The following GRIA4 variants were observed in gnomAD, a reference collection of about 807,000 sequenced individuals.
GRIA4 encodes glutamate ionotropic receptor AMPA type subunit 4, also known as glutamate receptor 4.
In GRIA4, 34 loss-of-function variants were observed where a neutral mutation model predicts 104.0. That is an observed-to-expected ratio of 0.33 (90% CI 0.25 to 0.44). GRIA4 has a LOEUF of 0.44. Among genes scored for constraint, GRIA4 ranks in the 20% least tolerant of loss-of-function variants. The probability of loss-of-function intolerance (pLI) is 1.00; values close to 1 mark genes in which losing one functional copy is unlikely to be tolerated. For synonymous variants in GRIA4, 386 were observed against 381.9 expected, an observed-to-expected ratio of 1.01 and a Z score of -0.13; for missense variants, 750 against 1,096.5, an observed-to-expected ratio of 0.68 and a Z score of 4.46.
At chr11:105,814,423 G>A (rs1472243197) in intron 4 of GRIA4, among the ~76,000 whole-genome samples, 1 of 152,184 alleles carries the variant, frequency 6.6e-6, no homozygotes, top group Non-Finnish European at 1.5e-5. Flanking sequence ...TGACGAGCCT[G>A]TGCAGAAATT....
intron 14 of GRIA4, chr11:105,966,151 C>T: frequency 2.3e-6 from 2 of 856,584 alleles, no homozygotes; most frequent in South Asian, 2.9e-5. Context: ...CCTCCTAATA[C>T]CAGTCGAATT....
chr11:105,885,577 A>T (rs1037372276), intron 5 of GRIA4, among the ~76,000 whole-genome samples: 10 of 152,250 alleles, frequency 6.6e-5, no homozygotes, highest in Admixed American at 6.5e-4. Context: ...TTTCCCAAGA[A>T]CAGAAGCTTT....
At chr11:105,923,463 G>C (rs953611958) in intron 11 of GRIA4, among the ~76,000 whole-genome samples, 1 of 152,080 alleles carries the variant, frequency 6.6e-6, no homozygotes, top group African/African-American at 2.4e-5. Context: ...ATAAACATAT[G>C]ATTCTTATGA....
intron 4 of GRIA4, among the ~76,000 whole-genome samples, chr11:105,786,143 T>TCAA (rs1941955611): frequency 5.7e-5 from 1 of 17,584 alleles, no homozygotes; most frequent in Non-Finnish European, 1.2e-4. Flanking sequence ...AGACCCTTTC[T>TCAA]CAAAAAAAAA....
chr11:105,816,723 C>T (rs1263435435), intron 4 of GRIA4, among the ~76,000 whole-genome samples: 2 of 152,008 alleles, frequency 1.3e-5, no homozygotes, highest in Admixed American at 1.3e-4. Context: ...GTTAAAAGCT[C>T]AGGCTCTGTC....
At chr11:105,934,736 C>T (rs892745246) in intron 14 of GRIA4, among the ~76,000 whole-genome samples, 2 of 152,118 alleles carry the variant, frequency 1.3e-5, no homozygotes, top group Admixed American at 6.6e-5. Flanking sequence ...CCCTTTTCAT[C>T]CTTTTGGTCC....
chr11:105,775,028 A>G (rs1941389277), intron 4 of GRIA4, among the ~76,000 whole-genome samples: 1 of 152,136 alleles, frequency 6.6e-6, no homozygotes, highest in Admixed American at 6.6e-5. Context: ...GAGGCTCTAG[A>G]GTAAAATCCA....
chr11:105,923,570 G>C (rs551580718), intron 11 of GRIA4, among the ~76,000 whole-genome samples: 1 of 152,236 alleles, frequency 6.6e-6, no homozygotes, highest in East Asian at 1.9e-4. Flanking sequence ...CCTTATTAAG[G>C]CTTCTAATAA....
At chr11:105,927,539 AT>A (rs1947742618) in intron 13 of GRIA4, among the ~76,000 whole-genome samples, 1 of 152,056 alleles carries the variant, frequency 6.6e-6, no homozygotes, top group South Asian at 2.1e-4. Context: ...GCAGATAAAA[AT>A]TTTCCAACTG....
At chr11:105,695,476 G>C (rs1953240214) in intron 3 of GRIA4, among the ~76,000 whole-genome samples, 3 of 60,444 alleles carry the variant, frequency 5.0e-5, no homozygotes, top group African/African-American at 4.7e-5. Flanking sequence ...GTGTGTGTGT[G>C]TCTGTGTGTG....
intron 4 of GRIA4, among the ~76,000 whole-genome samples, chr11:105,853,338 C>T (rs978071371): frequency 1.3e-5 from 2 of 152,062 alleles, no homozygotes; most frequent in African/African-American, 2.4e-5. Flanking sequence ...AGGATGGTTG[C>T]TATAAATAAA....
At chr11:105,850,731 A>AG (rs1332441982) in intron 4 of GRIA4, among the ~76,000 whole-genome samples, 2 of 152,154 alleles carry the variant, frequency 1.3e-5, no homozygotes, top group East Asian at 3.9e-4. Flanking sequence ...AATTGGGAGA[A>AG]GGGGGCTTTA....
chr11:105,938,980 C>T (rs1047491001), intron 14 of GRIA4, among the ~76,000 whole-genome samples: 8 of 152,102 alleles, frequency 5.3e-5, no homozygotes, highest in Non-Finnish European at 7.4e-5. Flanking sequence ...TTAAATCCTT[C>T]CTATTTAATT....
At chr11:105,761,778 C>T (rs945420536) in intron 4 of GRIA4, among the ~76,000 whole-genome samples, 1 of 152,138 alleles carries the variant, frequency 6.6e-6, no homozygotes, top group Non-Finnish European at 1.5e-5. Context: ...TCATAGTTTA[C>T]ACTTTATACA....
intron 4 of GRIA4, among the ~76,000 whole-genome samples, chr11:105,829,213 T>A (rs1283003330): frequency 6.6e-6 from 1 of 151,898 alleles, no homozygotes; most frequent in African/African-American, 2.4e-5. Context: ...GACCATCTAA[T>A]CAGTAAGGCA....
chr11:105,714,331 A>G (rs543130741), intron 3 of GRIA4, among the ~76,000 whole-genome samples: 2 of 152,226 alleles, frequency 1.3e-5, no homozygotes, highest in Admixed American at 1.3e-4. Flanking sequence ...TCTGCTAGAG[A>G]GTATGTATCA....
chr11:105,772,066 C>T (rs896949288), intron 4 of GRIA4, among the ~76,000 whole-genome samples: 8 of 152,074 alleles, frequency 5.3e-5, no homozygotes, highest in African/African-American at 1.9e-4. Context: ...TTCATAGCCA[C>T]CTCCTCTTGC....
intron 5 of GRIA4, among the ~76,000 whole-genome samples, chr11:105,863,312 A>G (rs1945293727): frequency 6.6e-6 from 1 of 152,128 alleles, no homozygotes; most frequent in Non-Finnish European, 1.5e-5. Flanking sequence ...TTGTATTGCT[A>G]AAGTCTAAAG....
At chr11:105,761,480 T>C (rs1940647908) in intron 4 of GRIA4, among the ~76,000 whole-genome samples, 1 of 152,190 alleles carries the variant, frequency 6.6e-6, no homozygotes, top group Non-Finnish European at 1.5e-5. Flanking sequence ...TGTATTATTC[T>C]TGAGTTTAAA....
Sources: allele counts gnomAD v4.1 joint callset (sites outside exome capture counted in the v4.1 genomes callset), GRCh38; gene constraint gnomAD v4.1.1; transcripts MANE v1.5; gene names NCBI Gene and HGNC (gene_info 2026-07-23, HGNC 2026-07-21).